The following MAGI2 variants were observed in gnomAD, a reference collection of about 807,000 sequenced individuals.
MAGI2 encodes the protein membrane-associated guanylate kinase, WW and PDZ domain-containing protein 2.
MAGI2 carries 35 observed loss-of-function variants against 133.3 expected under a neutral mutation model. The observed-to-expected ratio is 0.26, with a 90% CI of 0.20 to 0.35. The LOEUF (loss-of-function observed/expected upper bound fraction) is 0.35. Ranked by LOEUF, MAGI2 falls within the 10% of genes least tolerant of loss-of-function variation. The pLI is 1.00. For missense variants in MAGI2, 1,636 were observed against 1,863.4 expected (o/e 0.88, Z 2.25); for synonymous variants, 729 against 710.6 (o/e 1.03, Z -0.41).
chr7:78,612,167 AT>A (rs1321908977), intron 3 of MAGI2, among the ~76,000 whole-genome samples: 1 of 152,202 alleles, frequency 6.6e-6, no homozygotes, highest in African/African-American at 2.4e-5. Context: ...AAACATTTAC[AT>A]GAAACATGAA....
At chr7:78,081,923 G>A (rs1585044149) in intron 20 of MAGI2, among the ~76,000 whole-genome samples, 1 of 152,332 alleles carries the variant, frequency 6.6e-6, no homozygotes, top group East Asian at 1.9e-4. Flanking sequence ...ATGACACAGA[G>A]TCTGGGTCTC....
rs1046015226 is a variant in MAGI2, at chr7:79,428,006, C to T, written c.301+25014G>A. Among the ~76,000 whole-genome samples, 10 of 152,234 alleles carry T rather than the reference C, an allele frequency of 6.6e-5. No homozygotes were observed. The East Asian group carries it at 1.5e-3, about 24-fold the overall frequency. ...AGTCAGAAGAAAAGAGAAGAGACAG[C>T]ATGAATTTCCAAATTTTTAGTGTAT... On this transcript the variant is annotated intron_variant, in intron 1 of 21. Transcript: ENST00000354212.
chr7:78,708,599 T>G (rs1818876250), intron 2 of MAGI2, among the ~76,000 whole-genome samples: 3 of 152,310 alleles, frequency 2.0e-5, no homozygotes, highest in East Asian at 3.9e-4. Context: ...TGGGACTTAA[T>G]GGGAGAATAT....
chr7:78,754,413 T>G (rs1823753261), intron 2 of MAGI2, among the ~76,000 whole-genome samples: 1 of 141,746 alleles, frequency 7.1e-6, no homozygotes, highest in Admixed American at 7.1e-5. Context: ...AAATAAATGC[T>G]GAAAGTTAGT....
intron 2 of MAGI2, among the ~76,000 whole-genome samples, chr7:78,847,411 A>T (rs1163574119): frequency 6.6e-6 from 1 of 152,012 alleles, no homozygotes; most frequent in Non-Finnish European, 1.5e-5. Context: ...AGACTATTAG[A>T]TAATAAAGGG....
intron 2 of MAGI2, among the ~76,000 whole-genome samples, chr7:78,819,120 A>G (rs2151423357): frequency 6.6e-6 from 1 of 152,282 alleles, no homozygotes; most frequent in East Asian, 1.9e-4. Context: ...CCACATACCC[A>G]GATCACATTG....
intron 2 of MAGI2, among the ~76,000 whole-genome samples, chr7:78,814,441 A>C (rs1169630676): frequency 2.6e-5 from 4 of 152,226 alleles, no homozygotes; most frequent in Non-Finnish European, 1.5e-5. Flanking sequence ...ATTTAGGATA[A>C]GCCTTCTGAG....
At chr7:78,250,077 A>G (rs940951924) in intron 10 of MAGI2, among the ~76,000 whole-genome samples, 5 of 152,086 alleles carry the variant, frequency 3.3e-5, no homozygotes, top group Non-Finnish European at 5.9e-5. Context: ...TTAAGTATTA[A>G]AAACAAGATG....
At chr7:78,349,234 G>A (rs898917569) in intron 7 of MAGI2, among the ~76,000 whole-genome samples, 4 of 152,132 alleles carry the variant, frequency 2.6e-5, no homozygotes, top group Admixed American at 6.5e-5. Flanking sequence ...TACAGTGAAT[G>A]GAAAATAGCT....
chr7:79,047,549 C>A (rs1812293902), intron 1 of MAGI2, among the ~76,000 whole-genome samples: 1 of 151,812 alleles, frequency 6.6e-6, no homozygotes, highest in Non-Finnish European at 1.5e-5. Context: ...CTGTAACATA[C>A]AACATTCTTT....
intron 21 of MAGI2, among the ~76,000 whole-genome samples, chr7:78,021,332 T>C (rs74752524): frequency 0.016 from 2,485 of 152,258 alleles, 72 homozygotes; most frequent in African/African-American, 0.057. Context: ...GAAACCACAT[T>C]GATAGATTTG....
intron 1 of MAGI2, among the ~76,000 whole-genome samples, chr7:79,222,640 T>C (rs1830524458): frequency 6.6e-6 from 1 of 152,076 alleles, no homozygotes; most frequent in Non-Finnish European, 1.5e-5. Flanking sequence ...ATCTATTTAA[T>C]GGCCCATTCT....
intron 6 of MAGI2, among the ~76,000 whole-genome samples, chr7:78,459,861 A>C (rs764121043): frequency 1.3e-5 from 2 of 152,264 alleles, no homozygotes. Flanking sequence ...AAAACATAGA[A>C]GTACCTCTAA....
At chr7:79,044,915 A>G (rs536810297) in intron 1 of MAGI2, among the ~76,000 whole-genome samples, 10 of 152,230 alleles carry the variant, frequency 6.6e-5, no homozygotes, top group Admixed American at 6.5e-4. Context: ...CTACACTGCA[A>G]TTCTAATCCT....
intron 1 of MAGI2, among the ~76,000 whole-genome samples, chr7:79,147,079 A>T (rs1417417656): frequency 6.6e-6 from 1 of 152,214 alleles, no homozygotes; most frequent in African/African-American, 2.4e-5. Context: ...TGGGGTGCTC[A>T]TTTGAACTGT....
chr7:78,076,271 G>A (rs73362643), intron 21 of MAGI2, among the ~76,000 whole-genome samples: 7,807 of 151,402 alleles, frequency 0.052, 238 homozygotes, highest in African/African-American at 0.082. Context: ...CATCCTGGGC[G>A]ACATGGTGAA....
intron 10 of MAGI2, among the ~76,000 whole-genome samples, chr7:78,209,052 C>G (rs1448725199): frequency 1.4e-5 from 2 of 144,370 alleles, no homozygotes; most frequent in African/African-American, 5.1e-5. Context: ...GAAACCCTGT[C>G]TCTACTAAAA....
intron 21 of MAGI2, among the ~76,000 whole-genome samples, chr7:78,028,848 CAAAA>C (rs56201811): frequency 3.6e-5 from 3 of 84,420 alleles, no homozygotes; most frequent in African/African-American, 8.5e-5. Context: ...GACTCCATCT[CAAAA>C]AAAAAAAAAA....
At chr7:78,677,419 T>TA (rs1325288618) in intron 2 of MAGI2, among the ~76,000 whole-genome samples, 9 of 151,948 alleles carry the variant, frequency 5.9e-5, no homozygotes, top group African/African-American at 1.4e-4. Context: ...GTATATTTTT[T>TA]ATGCTTTCTT....
Sources: allele counts gnomAD v4.1 joint callset (sites outside exome capture counted in the v4.1 genomes callset), GRCh38; gene constraint gnomAD v4.1.1; transcripts MANE v1.5; gene names NCBI Gene and HGNC (gene_info 2026-07-23, HGNC 2026-07-21).